CNTN6: variants seen among roughly 807,000 people sequenced by gnomAD.
The protein encoded by CNTN6 is contactin-6.
Under a neutral mutation model 122.8 loss-of-function variants are expected in CNTN6, and 137 were observed. The observed-to-expected ratio is 1.12, with a 90% CI of 0.97 to 1.29. CNTN6 has a LOEUF of 1.29. CNTN6 is among the 50% of genes most tolerant of loss of function. The probability of loss-of-function intolerance (pLI) is 0.00; values close to 1 mark genes in which losing one functional copy is unlikely to be tolerated. For missense variants in CNTN6, 1,634 were observed against 1,223.4 expected, an observed-to-expected ratio of 1.34 and a Z score of -5.01; for synonymous variants, 570 against 426.0, an observed-to-expected ratio of 1.34 and a Z score of -4.16.
chr3:1,130,688 T>G (rs1280130805), intron 1 of CNTN6, among the ~76,000 whole-genome samples: 2 of 152,138 alleles, frequency 1.3e-5, no homozygotes, highest in African/African-American at 2.4e-5. Flanking sequence ...ATTCAAATCC[T>G]TGATTCAGAA....
At chr3:1,224,781 TG>T (rs2094257439) in intron 3 of CNTN6, among the ~76,000 whole-genome samples, 1 of 152,162 alleles carries the variant, frequency 6.6e-6, no homozygotes, top group Admixed American at 6.5e-5. Flanking sequence ...AGTCTTGCTC[TG>T]TCAGCCAGGT....
At chr3:1,321,309 G>T (rs560173100) in intron 7 of CNTN6, among the ~76,000 whole-genome samples, 5 of 151,586 alleles carry the variant, frequency 3.3e-5, no homozygotes, top group African/African-American at 1.2e-4. Flanking sequence ...CTTTTGTTTC[G>T]GTTATTGCAG....
rs538435897 is a variant in CNTN6 at position 1,105,906 on chromosome 3, C to A, written c.-83+12786C>A. 5.9e-5 allele frequency among the ~76,000 whole-genome samples: 9 copies of A among 152,256 alleles called. No homozygotes were observed. In the South Asian group the frequency reaches 1.9e-3, roughly 32 times the overall value. Reference sequence around the variant, plus strand: ...TATGCTATTACAGTGTCATCTAAATCTAATGGTGAACAAAATAGCACATAT... The same window carrying A: ...TATGCTATTACAGTGTCATCTAAATATAATGGTGAACAAAATAGCACATAT... On this transcript the variant is annotated intron_variant, in intron 1 of 22. Transcript: ENST00000446702.
At chr3:1,124,005 G>T (rs1291749662) in intron 1 of CNTN6, among the ~76,000 whole-genome samples, 3 of 151,806 alleles carry the variant, frequency 2.0e-5, no homozygotes, top group Admixed American at 6.6e-5. Context: ...GTTTCCTTAT[G>T]TTGAACCACC....
chr3:1,309,429 T>A (rs1011390790), intron 7 of CNTN6, among the ~76,000 whole-genome samples: 4 of 152,206 alleles, frequency 2.6e-5, no homozygotes, highest in Non-Finnish European at 5.9e-5. Context: ...GTCAAAGATA[T>A]GCTGACTGTA....
intron 20 of CNTN6, among the ~76,000 whole-genome samples, 173 bp downstream of exon 20, chr3:1,385,970 G>A (rs1559996199): frequency 6.6e-6 from 1 of 152,112 alleles, no homozygotes; most frequent in African/African-American, 2.4e-5. Flanking sequence ...AACAATCAAG[G>A]TAATTGTTTT....
intron 12 of CNTN6, among the ~76,000 whole-genome samples, chr3:1,357,043 A>T (rs1706673178): frequency 6.6e-6 from 1 of 151,810 alleles, no homozygotes; most frequent in Non-Finnish European, 1.5e-5. Context: ...AGCATATGTC[A>T]CTCAGATTAA....
At chr3:1,116,464 CTT>C (rs2091722390) in intron 1 of CNTN6, among the ~76,000 whole-genome samples, 1 of 152,028 alleles carries the variant, frequency 6.6e-6, no homozygotes, top group African/African-American at 2.4e-5. Context: ...ATTATTAACT[CTT>C]AAATAAAAAA....
intron 14 of CNTN6, 82 bp downstream of exon 14, chr3:1,373,037 A>G (rs1490044971): frequency 1.3e-6 from 1 of 783,104 alleles, no homozygotes; most frequent in African/African-American, 1.8e-5. Flanking sequence ...CCTCTGAGAA[A>G]CCACACCATG....
intron 4 of CNTN6, among the ~76,000 whole-genome samples, chr3:1,253,505 A>G (rs886355849): frequency 4.6e-5 from 7 of 152,180 alleles, no homozygotes; most frequent in African/African-American, 1.2e-4. Flanking sequence ...TAAATTGGTT[A>G]AGCAGTCATG....
intron 21 of CNTN6, 143 bp from the exon 22 acceptor site, chr3:1,402,175 G>GA: frequency 1.7e-6 from 1 of 582,952 alleles, no homozygotes; most frequent in Non-Finnish European, 2.7e-6. Flanking sequence ...GGAATATAAG[G>GA]AAAAGACATC....
intron 2 of CNTN6, among the ~76,000 whole-genome samples, chr3:1,184,328 A>G (rs1454251518): frequency 6.6e-6 from 1 of 152,198 alleles, no homozygotes; most frequent in African/African-American, 2.4e-5. Context: ...TAAAAGTGTA[A>G]TAGAAGAAGT....
intron 15 of CNTN6, 30 bp from the exon 16 acceptor site, chr3:1,373,894 C>A (rs377762407): frequency 8.7e-5 from 138 of 1,591,754 alleles, no homozygotes; most frequent in Non-Finnish European, 1.1e-4. Flanking sequence ...TAGTCCCAAC[C>A]TAGGTGCCTT....
chr3:1,227,956 G>A lies in CNTN6; in HGVS notation c.321G>A (p.Gly107=), dbSNP rs911121325. Residue 107 remains glycine (G), a synonymous_variant, in exon 4 of 23, where the codon GGG becomes GGA. Transcript: ENST00000446702. Reference sequence around the variant, plus strand: ...AGTGCCTGGCCACCAATCTTCTGGGGACAATTCTGAGTCGGAAGGCAAAGC... The same window carrying A: ...AGTGCCTGGCCACCAATCTTCTGGGAACAATTCTGAGTCGGAAGGCAAAGC... ...MYQCLATNLL[G]TILSRKAKLQ... The A allele has an allele frequency of 5.0e-6, 8 of 1,613,930 alleles. No homozygotes were observed. The highest frequency in any genetic ancestry group is 1.3e-5 in the African/African-American group (1 of 75,028).
chr3:1,121,620 T>A (rs2091952997), intron 1 of CNTN6, among the ~76,000 whole-genome samples: 1 of 151,942 alleles, frequency 6.6e-6, no homozygotes. Context: ...TATATAAGGA[T>A]AACCATACTA....
At chr3:1,269,317 A>C (rs2125745637) in intron 4 of CNTN6, among the ~76,000 whole-genome samples, 1 of 152,294 alleles carries the variant, frequency 6.6e-6, no homozygotes, top group East Asian at 1.9e-4. Context: ...TTCCATCACT[A>C]AGCCTTTTAA....
At chr3:1,327,910 A>T (rs778879372) in intron 10 of CNTN6, among the ~76,000 whole-genome samples, 1 of 142,276 alleles carries the variant, frequency 7.0e-6, no homozygotes, top group Non-Finnish European at 1.6e-5. Context: ...AAAAAGTAAT[A>T]AAAAAATCAC....
rs1013104151 is a variant in CNTN6 at position 1,095,252 on chromosome 3, C to A, written c.-83+2132C>A. On this transcript the variant is annotated intron_variant, in intron 1 of 22. Transcript: ENST00000446702. ...CTTTGGGAGGCCGAGGCGGGCGGAT[C>A]ACGAGGTCAAGAGATTGAGACCATC... Among the ~76,000 whole-genome samples, 2 of 152,046 alleles carry A rather than the reference C, an allele frequency of 1.3e-5. 1 individual carries two copies. Among genetic ancestry groups the A allele is most frequent in the Non-Finnish European group, 2.9e-5 (2 of 68,018 alleles).
At chr3:1,323,527 T>C (rs570002303) in intron 8 of CNTN6, among the ~76,000 whole-genome samples, 43 of 151,776 alleles carry the variant, frequency 2.8e-4, no homozygotes, top group Non-Finnish European at 4.9e-4. Flanking sequence ...GATTACTGAC[T>C]CAGTTACCTC....
Sources: gnomAD v4.1 joint callset for allele counts (sites outside exome capture counted in the v4.1 genomes callset) on GRCh38, gnomAD v4.1.1 for gene constraint, MANE v1.5 for transcripts, NCBI Gene and HGNC (gene_info 2026-07-23, HGNC 2026-07-21) for gene names.